Variants in TCN1 observed in about 807,000 individuals in gnomAD.
TCN1 encodes transcobalamin 1, also known as transcobalamin-1.
In TCN1, 47 loss-of-function variants were observed where a neutral mutation model predicts 46.3. That is an observed-to-expected ratio of 1.01 (90% CI 0.80 to 1.29). The LOEUF is 1.29. Among genes scored for constraint, TCN1 ranks in the 50% most tolerant of loss-of-function variants. The pLI, the probability that TCN1 is intolerant of heterozygous loss-of-function variation, is 0.00. For missense variants in TCN1, 532 were observed against 511.0 expected, an observed-to-expected ratio of 1.04 and a Z score of -0.40; for synonymous variants, 183 against 192.5, an observed-to-expected ratio of 0.95 and a Z score of 0.41.
intron 4 of TCN1, among the ~76,000 whole-genome samples, chr11:59,861,183 T>C (rs968159854): frequency 2.0e-5 from 3 of 152,208 alleles, no homozygotes; most frequent in African/African-American, 7.2e-5. Context: ...CATTTCCCTT[T>C]TCTAAAACTT....
At chr11:59,856,085 G>GGGGGGGGGGGGGC in intron 5 of TCN1, 27 bp from the exon 6 acceptor site, 5 of 585,324 alleles carry the variant, frequency 8.5e-6, no homozygotes, top group Non-Finnish European at 1.6e-5. Flanking sequence ...GGGTGGGGGG[G>GGGGGGGGGGGGGC]TGATGAGAGA....
In TCN1 at chr11:59,862,517, T is replaced by C. The variant is rs1263088404; in HGVS notation, c.400+65A>G. 12 of 1,580,612 alleles carry C rather than the reference T, an allele frequency of 7.6e-6. No individual in the cohort carries two copies. In the East Asian group the frequency reaches 2.0e-4, roughly 27 times the overall value. ...AAGGAAAGAGTGGAGGGAAACTTCA[T>C]ATAGTTTTGAATCAGTGGAGGAGAA... On this transcript the variant is annotated intron_variant, in intron 3 of 8. Coordinates refer to ENST00000257264, the MANE Select transcript of TCN1 (RefSeq NM_001062.4).
chr11:59,862,640 A>T lies in TCN1; in HGVS notation c.342T>A (p.Tyr114Ter), dbSNP rs376510462. The T allele has an allele frequency of 2.2e-5, 36 of 1,613,642 alleles. No individual in the cohort carries two copies. Among genetic ancestry groups the T allele is most frequent in the Non-Finnish European group, 3.1e-5 (36 of 1,179,836 alleles). Residue 114 changes from tyrosine to a stop codon, truncating the protein, a stop_gained, in exon 3 of 9, where the codon TAT (tyrosine) becomes TAA (stop). Coordinates refer to ENST00000257264, the MANE Select transcript of TCN1 (RefSeq NM_001062.4). LOFTEE classifies it high-confidence loss of function. ...VCRNAEENLIYDYHLIDKLEN... is the reference protein window; with the variant it reads ...VCRNAEENLI ...CTAGCTTGTCGATCAGGTGGTAATC[A>T]TATATTAAGTTTTCCTCAGCGTTAC...
At position 59,864,006 on chromosome 11, in the gene TCN1, C is replaced by T. The variant is rs200856109; in HGVS notation, c.160G>A (p.Ala54Thr). ...IQSNYNRGTS[A>T]VNVVLSLKLV... ...TTGAGGGACAACACAACATTGACAG[C>T]GCTGGTTCCCCTGTTATAGTTTGAC... Residue 54 changes from alanine to threonine, a missense_variant, in exon 2 of 9, where the codon GCT (alanine) becomes ACT (threonine). Physicochemically the swap from Ala to Thr is moderately conservative, Grantham distance 58. Transcript: ENST00000257264. The T allele has an allele frequency of 2.5e-5, 41 of 1,613,908 alleles. No homozygotes were observed. The East Asian group carries it at 3.6e-4, about 14-fold the overall frequency.
chr11:59,859,621 T>C (rs1018627859), intron 4 of TCN1, among the ~76,000 whole-genome samples: 2 of 152,210 alleles, frequency 1.3e-5, no homozygotes, highest in Middle Eastern at 3.2e-3. Context: ...TAATGTACTC[T>C]GGCCACCTTT....
chr11:59,866,390 A>C lies in TCN1; in HGVS notation c.79+2T>G. The C allele has an allele frequency of 6.2e-7, 1 of 1,613,390 alleles. No individual in the cohort carries two copies. The highest frequency in any genetic ancestry group is 1.1e-5 in the South Asian group (1 of 91,070). ...AGTAATTTTAGCTCAAAGTTTACTC[A>C]CCACAAATCTCGCATAGTTGGCTTG... On this transcript the variant is annotated splice_donor_variant, in intron 1 of 8. Transcript: ENST00000257264. LOFTEE classifies it high-confidence loss of function.
At chr11:59,862,851 TA>T in intron 2 of TCN1, 129 bp from the exon 3 acceptor site, 1 of 1,015,164 alleles carries the variant, frequency 9.9e-7, no homozygotes, top group East Asian at 2.5e-5. Flanking sequence ...TTGTGTCGCT[TA>T]ATGATAGGGA....
intron 7 of TCN1, 99 bp from the exon 8 acceptor site, chr11:59,853,420 T>C (rs930898078): frequency 2.8e-5 from 31 of 1,094,744 alleles, no homozygotes; most frequent in Non-Finnish European, 4.2e-5. Flanking sequence ...AATCACTTGA[T>C]GACATTATAA....
chr11:59,857,895 C>T (rs1311681625), intron 5 of TCN1, among the ~76,000 whole-genome samples: 1 of 152,092 alleles, frequency 6.6e-6, no homozygotes, highest in Non-Finnish European at 1.5e-5. Context: ...GACTCATGCT[C>T]CTAGTTTAGG....
chr11:59,861,629 A>C lies in TCN1; in HGVS notation c.454T>G (p.Leu152Val). ...TTCCCATTGAACAGACACAAGGCCA[A>C]AACGTCCAGGCTGAGCTGGTAGTAG... ...TNYYQLSLDV[L>V]ALCLFNGNYS... is the part of the protein sequence containing the mutation. Residue 152 changes from leucine to valine, a missense_variant, in exon 4 of 9, where the codon TTG becomes GTG. Physicochemically the swap from Leu to Val is conservative, Grantham distance 32. Coordinates refer to ENST00000257264, the MANE Select transcript of TCN1 (RefSeq NM_001062.4). The C allele has an allele frequency of 6.2e-7, 1 of 1,614,176 alleles. No homozygotes were observed. The highest frequency in any genetic ancestry group is 8.5e-7 in the Non-Finnish European group (1 of 1,180,000).
intron 7 of TCN1, among the ~76,000 whole-genome samples, chr11:59,853,827 T>C (rs1352034008): frequency 1.3e-5 from 2 of 152,220 alleles, no homozygotes; most frequent in Non-Finnish European, 2.9e-5. Flanking sequence ...TAGTCATTTT[T>C]CTACCTCCCT....
intron 4 of TCN1, among the ~76,000 whole-genome samples, chr11:59,860,628 A>C (rs1454003221): frequency 1.3e-5 from 2 of 152,192 alleles, no homozygotes; most frequent in Non-Finnish European, 2.9e-5. Context: ...TGAATCAAAT[A>C]AACTGTCTTT....
chr11:59,853,314 T>C lies in TCN1; in HGVS notation c.1129A>G (p.Met377Val). The C allele has an allele frequency of 6.2e-7, 1 of 1,613,688 alleles. No individual in the cohort carries two copies. The highest frequency in any genetic ancestry group is 8.5e-7 in the Non-Finnish European group (1 of 1,179,628). ...KMNDTIFGFT[M>V]EERSWGPYIT... ...TAGGGCCCCCATGAGCGCTCCTCCA[T>C]TGTGAAACTGTGGGTGACAGCAAGT... The change falls in exon 8 of 9, where the codon ATG (methionine) becomes GTG (valine). Residue 377 changes from methionine to valine, a missense_variant. Physicochemically the swap from Met to Val is conservative, Grantham distance 21. Coordinates refer to ENST00000257264, the MANE Select transcript of TCN1 (RefSeq NM_001062.4).
intron 3 of TCN1, 69 bp from the exon 4 acceptor site, chr11:59,861,751 C>A (rs1853017954): frequency 1.3e-6 from 2 of 1,522,744 alleles, no homozygotes; most frequent in East Asian, 4.5e-5. Context: ...TCCATCTATT[C>A]CTACTTACTC....
At chr11:59,858,532 C>T (rs2135107237) in intron 5 of TCN1, among the ~76,000 whole-genome samples, 2 of 152,076 alleles carry the variant, frequency 1.3e-5, no homozygotes, top group African/African-American at 4.8e-5. Flanking sequence ...GAAAAGCTTC[C>T]TAGAAGCATT....
In TCN1 at chr11:59,859,171, C is replaced by A. The variant is rs75927196; in HGVS notation, c.653G>T (p.Ser218Ile). ...TTCTACCAGTGACTTTGTATAAATACTGATGTTCTTTAAACTGCCTTCATC... is the reference window on the plus strand; with the variant it reads ...TTCTACCAGTGACTTTGTATAAATAATGATGTTCTTTAAACTGCCTTCATC... ...KADEGSLKNI[S>I]IYTKSLVEKI... Residue 218 changes from serine (S) to isoleucine (I), a missense_variant, in exon 5 of 9, where the codon AGT becomes ATT. Coordinates refer to ENST00000257264, the MANE Select transcript of TCN1 (RefSeq NM_001062.4). 4.7e-4 allele frequency: 758 copies of A among 1,613,988 alleles called. 5 individuals carry two copies. In the African/African-American group the frequency reaches 7.3e-3, roughly 16 times the overall value.
chr11:59,858,314 A>G (rs1446583567), intron 5 of TCN1, among the ~76,000 whole-genome samples: 2 of 148,270 alleles, frequency 1.3e-5, no homozygotes, highest in African/African-American at 2.6e-5. Flanking sequence ...ACTCAGAATT[A>G]TGCACAATTT....
Position 59,866,450 on chromosome 11 carries a change from C to T in TCN1, c.21G>A (p.Leu7=). The T allele has an allele frequency of 6.2e-7, 1 of 1,613,498 alleles. No homozygotes were observed. Among genetic ancestry groups the T allele is most frequent in the Non-Finnish European group, 8.5e-7 (1 of 1,179,502 alleles). Residue 7 remains leucine (L), a synonymous_variant, in exon 1 of 9, where the codon CTG becomes CTA. Transcript: ENST00000257264. The stretch of plus-strand genomic sequence containing the variant: ...AAAACAGTAAGAGCCCCACTAGGGG[C>T]AGCTGGTGTGACTGTCTCATCTCTC... MRQSHQ[L]PLVGLLLFSF... is the part of the protein sequence containing the mutation.
In TCN1 at chr11:59,862,290, G is replaced by A. The variant is rs531711261; in HGVS notation, c.400+292C>T. 1.8e-4 allele frequency among the ~76,000 whole-genome samples: 27 copies of A among 152,022 alleles called. 1 individual carries two copies. The South Asian group carries it at 5.4e-3, about 30-fold the overall frequency. On this transcript the variant is annotated intron_variant, in intron 3 of 8. Transcript: ENST00000257264. ...TTGACTTAAAGCCAAGCTCCTGGACGATTAGAGAATGGTGACTTGTGTGTG... is the reference window on the plus strand; with the variant it reads ...TTGACTTAAAGCCAAGCTCCTGGACAATTAGAGAATGGTGACTTGTGTGTG...
Sources: gnomAD v4.1 joint callset for allele counts (sites outside exome capture counted in the v4.1 genomes callset) on GRCh38, gnomAD v4.1.1 for gene constraint, MANE v1.5 for transcripts, NCBI Gene and HGNC (gene_info 2026-07-23, HGNC 2026-07-21) for gene names.